The following RB1 variants were observed in gnomAD, a reference collection of about 807,000 sequenced individuals.
RB1 encodes the protein RB transcriptional corepressor 1, also known as retinoblastoma-associated protein.
A neutral mutation model predicts 135.4 loss-of-function variants in RB1; 18 were observed. The observed-to-expected ratio is 0.13, with a 90% CI of 0.09 to 0.20. The LOEUF is 0.20. Ranked by LOEUF, RB1 falls within the 10% of genes least tolerant of loss-of-function variation. The pLI, the probability that RB1 is intolerant of heterozygous loss-of-function variation, is 1.00. For synonymous variants in RB1, 365 were observed against 373.2 expected (o/e 0.98, Z 0.25); for missense variants, 868 against 1,110.0 (o/e 0.78, Z 3.10).
At position 48,459,886 on chromosome 13, in the gene RB1, ATTCTTTCT is replaced by A. The variant is rs756876412; in HGVS notation, c.2106+112_2106+119del. The A allele has an allele frequency of 6.0e-4, 603 of 1,007,110 alleles. 41 individuals are homozygous for A. In the African/African-American group the frequency reaches 8.8e-3, roughly 15 times the overall value. 62.4% of individuals were successfully genotyped at this position (1,007,110 alleles called of 1,614,324 possible). ...CTCCTCCCTACTTACTTGTTAACTG[ATTCTTTCT>A]TTCTTTCTTTCTTTCTTTCTTTCTT... is the stretch of plus-strand genomic sequence containing the variant. On this transcript the variant is annotated intron_variant, in intron 20 of 26. Transcript: ENST00000267163.
Position 48,319,995 on chromosome 13 carries a change from C to T in RB1, c.264+12589C>T, listed in dbSNP as rs1001971840. 4.8e-6 allele frequency: 2 copies of T among 418,146 alleles called. No individual in the cohort carries two copies. Among genetic ancestry groups the T allele is most frequent in the Non-Finnish European group, 8.9e-6 (2 of 224,810 alleles). The allele number at this position is 418,146 out of a possible 1,614,324, so 25.9% of individuals were successfully genotyped here. A position where few individuals can be genotyped will look rare whatever the true frequency, so the allele number is the denominator to read the frequency against. On this transcript the variant is annotated intron_variant, in intron 2 of 26. Transcript: ENST00000267163. This position sits in a 1 kb window ranked among gnomAD's most constrained non-coding sequence, Gnocchi z 5.0. ...GGCTTACATCTACTGCCACTGCCTGCAGCCCTGGAAGGCTGGGCTGCGCCT... is the reference window on the plus strand; with the variant it reads ...GGCTTACATCTACTGCCACTGCCTGTAGCCCTGGAAGGCTGGGCTGCGCCT...
intron 17 of RB1, among the ~76,000 whole-genome samples, chr13:48,440,501 G>A (rs183309775): frequency 6.6e-6 from 1 of 152,228 alleles, no homozygotes; most frequent in African/African-American, 2.4e-5. Context: ...ATAGCCTGAT[G>A]GGCACATGAT....
At chr13:48,320,121 A>C in intron 2 of RB1, 1 of 745,174 alleles carries the variant, frequency 1.3e-6, no homozygotes, top group Admixed American at 2.5e-5. Context: ...TCATCATTGA[A>C]TCTAGCACCA....
At chr13:48,366,899 A>G (rs997610286) in intron 9 of RB1, among the ~76,000 whole-genome samples, 4 of 152,134 alleles carry the variant, frequency 2.6e-5, no homozygotes, top group African/African-American at 7.2e-5. Context: ...CAGGTGGATC[A>G]CCTGAGGTCA....
At chr13:48,312,296 G>A (rs930059520) in intron 2 of RB1, among the ~76,000 whole-genome samples, 2 of 151,912 alleles carry the variant, frequency 1.3e-5, no homozygotes, top group African/African-American at 4.8e-5. Context: ...TTTTACTTTT[G>A]TTAGGGTTCC....
chr13:48,453,578 G>A (rs1202631072), intron 18 of RB1, among the ~76,000 whole-genome samples: 1 of 152,152 alleles, frequency 6.6e-6, no homozygotes, highest in Non-Finnish European at 1.5e-5. Context: ...TGGTGATGAC[G>A]ATGGGAAAAG....
intron 2 of RB1, chr13:48,316,758 CACACACACACACACACACACACACACGG>C (rs1952187553): frequency 5.8e-6 from 1 of 171,056 alleles, no homozygotes; most frequent in African/African-American, 2.7e-5. Context: ...CACACACACA[CACACACACACACACACACACACACACGG>C]ATACACGCAC....
At chr13:48,406,390 C>A (rs1256688733) in intron 17 of RB1, among the ~76,000 whole-genome samples, 1 of 152,038 alleles carries the variant, frequency 6.6e-6, no homozygotes, top group Non-Finnish European at 1.5e-5. Context: ...AAGAATTTCT[C>A]CCATTTTAAT....
In RB1 at chr13:48,320,206, G is replaced by A. The variant is rs2138054647; in HGVS notation, c.264+12800G>A. ...AACAAGACCACAGGCAGGCAATGCG[G>A]GCTGCTCCTTGTGCACGGTGGGCTT... is the stretch of plus-strand genomic sequence containing the variant. On this transcript the variant is annotated intron_variant, in intron 2 of 26. Coordinates refer to ENST00000267163, the MANE Select transcript of RB1 (RefSeq NM_000321.3). 12 of 979,234 alleles carry A rather than the reference G, an allele frequency of 1.2e-5. No homozygotes were observed. In the South Asian group the frequency reaches 1.8e-4, roughly 15 times the overall value. 60.7% of individuals were successfully genotyped at this position (979,234 alleles called of 1,614,324 possible).
intron 2 of RB1, chr13:48,328,517 A>T: frequency 1.3e-6 from 1 of 773,374 alleles, no homozygotes; most frequent in South Asian, 1.4e-5. Flanking sequence ...GCTCCAGCTC[A>T]TTGCGACTTT....
rs1952306986 is a variant in RB1, at chr13:48,328,482, A to G, written c.265-14117A>G. 4 of 851,584 alleles carry G rather than the reference A, an allele frequency of 4.7e-6. No homozygotes were observed. In the South Asian group the frequency reaches 5.3e-5, roughly 11 times the overall value. The allele number at this position is 851,584 out of a possible 1,614,324, so 52.8% of individuals were successfully genotyped here. On this transcript the variant is annotated intron_variant, in intron 2 of 26. Transcript: ENST00000267163. ...GATCGCTTCTCAGCGCTGCGGCTGG[A>G]ACTTTCCTCTCCATTACTCCAGCAG...
At chr13:48,407,477 G>T (rs926979577) in intron 17 of RB1, among the ~76,000 whole-genome samples, 8 of 152,094 alleles carry the variant, frequency 5.3e-5, no homozygotes, top group African/African-American at 1.9e-4. Context: ...TTGTTTAATT[G>T]ACATTCTTTG....
chr13:48,399,406 AAGAT>A lies in RB1; in HGVS notation c.1695+17969_1695+17972del, dbSNP rs1350623176. 9.9e-5 allele frequency among the ~76,000 whole-genome samples: 15 copies of A among 152,178 alleles called. No individual in the cohort carries two copies. In the East Asian group the frequency reaches 2.9e-3, roughly 29 times the overall value. On this transcript the variant is annotated intron_variant, in intron 17 of 26. Coordinates refer to ENST00000267163, the MANE Select transcript of RB1 (RefSeq NM_000321.3). ...TGAACTAATAATCTACAAAAATTTT[AAGAT>A]AGATAAGCAGAAAGAATACAAACAA...
chr13:48,345,324 T>TA, intron 4 of RB1, 125 bp downstream of exon 4: 2 of 1,104,700 alleles, frequency 1.8e-6, no homozygotes, highest in Non-Finnish European at 2.6e-6. Context: ...CTTGTCCCTT[T>TA]TAATGTTAGC....
In RB1 at chr13:48,352,349, C is replaced by T. The variant is rs189706399; in HGVS notation, c.607+3326C>T. Among the ~76,000 whole-genome samples, 401 of 151,218 alleles carry T rather than the reference C, an allele frequency of 2.7e-3. 1 individual carries two copies. Among genetic ancestry groups the T allele is most frequent in the Non-Finnish European group, 4.6e-3 (311 of 67,864 alleles). On this transcript the variant is annotated intron_variant, in intron 6 of 26. Coordinates refer to ENST00000267163, the MANE Select transcript of RB1 (RefSeq NM_000321.3). ...TGGCTATTCAGGCTCTTTTTTGGTTCCAGTTGAATTTTAAAATAGTTTTTT... is the reference window on the plus strand; with the variant it reads ...TGGCTATTCAGGCTCTTTTTTGGTTTCAGTTGAATTTTAAAATAGTTTTTT...
chr13:48,429,618 C>T (rs1319696272), intron 17 of RB1: 1 of 151,278 alleles, frequency 6.6e-6, no homozygotes, highest in Non-Finnish European at 1.5e-5. Flanking sequence ...CTTGACCTTA[C>T]GTAAAGAGAT....
intron 17 of RB1, among the ~76,000 whole-genome samples, chr13:48,436,349 T>A (rs198563): frequency 0.22 from 33,106 of 152,084 alleles, 3,761 homozygotes; most frequent in South Asian, 0.27. Flanking sequence ...ATAGATATAG[T>A]TAAAATCATG....
intron 17 of RB1, among the ~76,000 whole-genome samples, chr13:48,441,225 G>A (rs933903719): frequency 3.3e-5 from 5 of 152,160 alleles, no homozygotes; most frequent in Non-Finnish European, 7.4e-5. Context: ...GTCCTCAGAT[G>A]GTGGAAGGGA....
intron 10 of RB1, among the ~76,000 whole-genome samples, chr13:48,367,977 G>A (rs1178250164): frequency 6.6e-6 from 1 of 152,046 alleles, no homozygotes. Flanking sequence ...CAAAAGTGTA[G>A]TCTCTGTTAT....
Sources: allele counts gnomAD v4.1 joint callset (sites outside exome capture counted in the v4.1 genomes callset), GRCh38; gene constraint gnomAD v4.1.1; non-coding constraint Gnocchi (gnomAD v3.1); transcripts MANE v1.5; gene names NCBI Gene and HGNC (gene_info 2026-07-23, HGNC 2026-07-21).